KMT2A: variants seen among roughly 807,000 people sequenced by gnomAD.
KMT2A encodes the protein lysine methyltransferase 2A, also known as histone-lysine N-methyltransferase 2A.
Under a neutral mutation model 345.3 loss-of-function variants are expected in KMT2A, and 16 were observed. The observed-to-expected ratio is 0.05, with a 90% CI of 0.03 to 0.07. The LOEUF (loss-of-function observed/expected upper bound fraction) is 0.07, where lower values mean the gene tolerates loss of function less well. Among genes scored for constraint, KMT2A ranks in the 10% least tolerant of loss-of-function variants. The pLI, the probability that KMT2A is intolerant of heterozygous loss-of-function variation, is 1.00. For synonymous variants in KMT2A, 1,599 were observed against 1,778.6 expected, an observed-to-expected ratio of 0.90 and a Z score of 2.54; for missense variants, 3,272 against 4,841.6, an observed-to-expected ratio of 0.68 and a Z score of 9.62.
rs1320401530 is a variant in KMT2A at position 118,497,878 on chromosome 11, G to A, written c.5665-58G>A. The stretch of plus-strand genomic sequence containing the variant: ...TCTTCACTGGAAAAGCTAATGCCGA[G>A]GAAAACCTCCTTTGGCATTATATTC... On this transcript the variant is annotated intron_variant, in intron 20 of 35. Transcript: ENST00000534358. This position sits in a 1 kb window ranked among gnomAD's most constrained non-coding sequence, Gnocchi z 4.8. 1 of 1,413,636 alleles carries A rather than the reference G, an allele frequency of 7.1e-7. No homozygotes were observed. Among genetic ancestry groups the A allele is most frequent in the Non-Finnish European group, 9.9e-7 (1 of 1,008,648 alleles). 87.6% of individuals were successfully genotyped at this position (1,413,636 alleles called of 1,614,324 possible).
In KMT2A at chr11:118,526,756, A is replaced by G. The variant is rs1281268380; in HGVS notation, c.*4584A>G. ...TAGTTGTAAAAAAAAGGAGTTTTTA[A>G]ACATGTTTATTTTCTATGCACTTTT... On this transcript the variant is annotated 3_prime_UTR_variant, in exon 36 of 36. Coordinates refer to ENST00000534358, the MANE Select transcript of KMT2A (RefSeq NM_001197104.2). 4.4e-6 allele frequency: 1 copy of G among 228,304 alleles called. No homozygotes were observed. The highest frequency in any genetic ancestry group is 8.7e-6 in the Non-Finnish European group (1 of 115,194). 14.1% of individuals were successfully genotyped at this position (228,304 alleles called of 1,614,324 possible). A position where few individuals can be genotyped will look rare whatever the true frequency, so the allele number is the denominator to read the frequency against.
Position 118,452,513 on chromosome 11 carries a change from C to T in KMT2A, c.432+15569C>T, listed in dbSNP as rs928600550. On this transcript the variant is annotated intron_variant, in intron 1 of 35. Transcript: ENST00000534358. ...TACCACTGCACTCCAGCCTGGGCGACAGAATAAGACCCTGTCTCAAAAAAC... is the reference window on the plus strand; with the variant it reads ...TACCACTGCACTCCAGCCTGGGCGATAGAATAAGACCCTGTCTCAAAAAAC... 1.4e-4 allele frequency among the ~76,000 whole-genome samples: 21 copies of T among 152,220 alleles called. 1 individual carries two copies. The highest frequency in any genetic ancestry group is 7.8e-4 in the Admixed American group (12 of 15,288).
At chr11:118,443,086 C>T (rs1949346607) in intron 1 of KMT2A, among the ~76,000 whole-genome samples, 1 of 152,152 alleles carries the variant, frequency 6.6e-6, no homozygotes, top group Non-Finnish European at 1.5e-5. Context: ...TGGAGGCCTG[C>T]ACTCTTATAC....
Position 118,510,078 on chromosome 11 carries a change from C to T in KMT2A, c.11031C>T (p.Ser3677=), listed in dbSNP as rs782490706. The change falls in exon 30 of 36, where the codon TCC becomes TCT. Residue 3677 remains serine (S), a synonymous_variant. Coordinates refer to ENST00000534358, the MANE Select transcript of KMT2A (RefSeq NM_001197104.2). This position sits in a 1 kb window ranked among gnomAD's most constrained non-coding sequence, Gnocchi z 4.1. Reference sequence around the variant, plus strand: ...AGAAAGGACTTGTTTTTGAAATTTCCAGTGATGATGGCTTTCAGATCTGTG... The same window carrying T: ...AGAAAGGACTTGTTTTTGAAATTTCTAGTGATGATGGCTTTCAGATCTGTG... ...KPKKGLVFEI[S]SDDGFQICAE... 3 of 1,613,656 alleles carry T rather than the reference C, an allele frequency of 1.9e-6. No individual in the cohort carries two copies. The highest frequency in any genetic ancestry group is 1.7e-5 in the Admixed American group (1 of 59,976).
chr11:118,486,559 G>A (rs1950233274), intron 10 of KMT2A, among the ~76,000 whole-genome samples: 1 of 152,066 alleles, frequency 6.6e-6, no homozygotes, highest in Non-Finnish European at 1.5e-5. Context: ...TACCACATAA[G>A]ATATGTATTC....
At chr11:118,440,086 T>C (rs1555139738) in intron 1 of KMT2A, among the ~76,000 whole-genome samples, 1 of 152,236 alleles carries the variant, frequency 6.6e-6, no homozygotes, top group East Asian at 1.9e-4. Flanking sequence ...GAAATGGTTA[T>C]ATGATCCAAA....
intron 5 of KMT2A, 47 bp downstream of exon 5, chr11:118,478,248 G>C: frequency 1.4e-6 from 2 of 1,456,354 alleles, no homozygotes; most frequent in East Asian, 2.3e-5. Flanking sequence ...AACCATAAAG[G>C]TTGCTTATTT....
Position 118,472,816 on chromosome 11 carries a change from C to T in KMT2A, c.1657C>T (p.Pro553Ser), listed in dbSNP as rs1949967357. Residue 553 changes from proline to serine, a missense_variant, in exon 3 of 36, where the codon CCC becomes TCC. By Grantham distance (74) the Pro-to-Ser change is moderately conservative. Around this residue, in one of 27 missense-constraint regions of KMT2A, gnomAD observed 180 missense variants for 190.7 expected, o/e 0.94. Transcript: ENST00000534358. ...TKKLSTLQSA[P>S]QQQTSSSPPP... Reference sequence around the variant, plus strand: ...AAAATTATCAACTCTACAAAGTGCCCCCCAGCAGCAGACCTCCTCGTCTCC... The same window carrying T: ...AAAATTATCAACTCTACAAAGTGCCTCCCAGCAGCAGACCTCCTCGTCTCC... 5.0e-6 allele frequency: 8 copies of T among 1,613,574 alleles called. No individual in the cohort carries two copies. The highest frequency in any genetic ancestry group is 6.8e-6 in the Non-Finnish European group (8 of 1,179,948).
chr11:118,521,037 C>A lies in KMT2A; in HGVS notation c.11513+152C>A. 1 of 671,744 alleles carries A rather than the reference C, an allele frequency of 1.5e-6. No individual in the cohort carries two copies. Among genetic ancestry groups the A allele is most frequent in the Non-Finnish European group, 2.6e-6 (1 of 380,774 alleles). The allele number at this position is 671,744 out of a possible 1,614,324, so 41.6% of individuals were successfully genotyped here. On this transcript the variant is annotated intron_variant, in intron 34 of 35. Transcript: ENST00000534358. This position sits in a 1 kb window ranked among gnomAD's most constrained non-coding sequence, Gnocchi z 5.3. ...CCTCATATCCTGGGATCCTGCACCT[C>A]CTTGTGTTGAACAAGGACTTTAACA...
chr11:118,468,914 T>C (rs1220895132), intron 2 of KMT2A, 70 bp downstream of exon 2: 3 of 1,185,986 alleles, frequency 2.5e-6, no homozygotes, highest in African/African-American at 1.5e-5. Context: ...CCTCTTGCCT[T>C]CTTTACATGT....
chr11:118,467,292 G>A (rs1330170688), intron 1 of KMT2A, among the ~76,000 whole-genome samples: 2 of 151,646 alleles, frequency 1.3e-5, no homozygotes, highest in African/African-American at 4.9e-5. Flanking sequence ...CAAGAGAATC[G>A]CTTGAACCCA....
In KMT2A at chr11:118,472,508, G is replaced by A. The variant is rs1949960322; in HGVS notation, c.1349G>A (p.Arg450Lys). Residue 450 changes from arginine to lysine, a missense_variant, in exon 3 of 36, where the codon AGA becomes AAA. Arg to Lys is a conservative substitution (Grantham distance 26, BLOSUM62 2). Transcript: ENST00000534358. ...CGATTAGAGTCTACACCGAATAGTA[G>A]ATTCAGTGCCCCGTCCTGTGGATCT... ...IARLESTPNS[R>K]FSAPSCGSSE... 1 of 1,613,224 alleles carries A rather than the reference G, an allele frequency of 6.2e-7. No homozygotes were observed. The highest frequency in any genetic ancestry group is 1.3e-5 in the African/African-American group (1 of 74,624).
chr11:118,436,951 G>C lies in KMT2A; in HGVS notation c.432+7G>C. On this transcript the variant is annotated splice_region_variant and intron_variant, in intron 1 of 35. Coordinates refer to ENST00000534358, the MANE Select transcript of KMT2A (RefSeq NM_001197104.2). The surrounding 1 kb of genome is among the most constrained non-coding windows in gnomAD (Gnocchi z 6.9). ...GGGAGGCGGCAGCGGAGAGGTAAGG[G>C]GGCGAGGAACCCCCAGGTCCGGGGT... The C allele has an allele frequency of 6.7e-7, 1 of 1,485,240 alleles. No homozygotes were observed. The highest frequency in any genetic ancestry group is 1.3e-5 in the South Asian group (1 of 76,324). The allele number at this position is 1,485,240 out of a possible 1,614,324, so 92.0% of individuals were successfully genotyped here.
rs541803521 is a variant in KMT2A at position 118,475,520 on chromosome 11, G to A, written c.3156+1205G>A. ...AGGTGGATCACGAGGTCAGGAGATCGAGACCATCCTGGCTAACACGGTGAA... is the reference window on the plus strand; with the variant it reads ...AGGTGGATCACGAGGTCAGGAGATCAAGACCATCCTGGCTAACACGGTGAA... On this transcript the variant is annotated intron_variant, in intron 3 of 35. Coordinates refer to ENST00000534358, the MANE Select transcript of KMT2A (RefSeq NM_001197104.2). Among the ~76,000 whole-genome samples the A allele has an allele frequency of 9.1e-4, 139 of 152,180 alleles. 1 individual carries two copies. Among genetic ancestry groups the A allele is most frequent in the African/African-American group, 3.2e-3 (133 of 41,520 alleles).
chr11:118,492,576 G>A (rs912737677), intron 15 of KMT2A, among the ~76,000 whole-genome samples: 67 of 152,228 alleles, frequency 4.4e-4, no homozygotes, highest in African/African-American at 1.6e-3. Context: ...CTACTCGGCA[G>A]GCTGAGGCAG....
chr11:118,461,597 G>GCAA (rs1949744814), intron 1 of KMT2A, among the ~76,000 whole-genome samples: 1 of 152,148 alleles, frequency 6.6e-6, no homozygotes, highest in Non-Finnish European at 1.5e-5. Context: ...CATCAGAGTA[G>GCAA]GCCAAGTTGA....
rs1555046776 is a variant in KMT2A at position 118,503,618 on chromosome 11, C to A, written c.7726C>A (p.Pro2576Thr). The A allele has an allele frequency of 6.2e-7, 1 of 1,614,066 alleles. No individual in the cohort carries two copies. Among genetic ancestry groups the A allele is most frequent in the African/African-American group, 1.3e-5 (1 of 74,922 alleles). Residue 2576 changes from proline to threonine, a missense_variant, in exon 27 of 36, where the codon CCA becomes ACA. Transcript: ENST00000534358. This position sits in a 1 kb window ranked among gnomAD's most constrained non-coding sequence, Gnocchi z 5.3. ...ENPGDGPVAQ[P>T]SPNNTSCQDS... ...TCCAGGAGATGGTCCAGTGGCCCAA[C>A]CAAGCCCCAATAATACCTCATGCCA...
Position 118,491,269 on chromosome 11 carries a change from G to C in KMT2A, c.4770G>C (p.Lys1590Asn). The change falls in exon 14 of 36, where the codon AAG becomes AAC. Residue 1590 changes from lysine to asparagine, a missense_variant. Lys to Asn is a moderately conservative substitution (Grantham distance 94). Coordinates refer to ENST00000534358, the MANE Select transcript of KMT2A (RefSeq NM_001197104.2). This position sits in a 1 kb window ranked among gnomAD's most constrained non-coding sequence, Gnocchi z 4.2. ...AGAGTAAGATGATGCAATGTGGAAA[G>C]TGTGATCGCTGGGTCCATTCCAAAT... ...DYESKMMQCG[K>N]CDRWVHSKCE... 2 of 1,614,008 alleles carry C rather than the reference G, an allele frequency of 1.2e-6. No homozygotes were observed. Among genetic ancestry groups the C allele is most frequent in the Non-Finnish European group, 1.7e-6 (2 of 1,179,892 alleles).
In KMT2A at chr11:118,436,633, C is replaced by G. The variant is rs1224934712; in HGVS notation, c.121C>G (p.Pro41Ala). 5 of 1,132,178 alleles carry G rather than the reference C, an allele frequency of 4.4e-6. No individual in the cohort carries two copies. In the African/African-American group the frequency reaches 6.6e-5, roughly 15 times the overall value. The allele number at this position is 1,132,178 out of a possible 1,614,324, so 70.1% of individuals were successfully genotyped here. A position where few individuals can be genotyped will look rare whatever the true frequency, so the allele number is the denominator to read the frequency against. Residue 41 changes from proline to alanine, a missense_variant, in exon 1 of 36, where the codon CCC becomes GCC. Physicochemically the swap from Pro to Ala is conservative, Grantham distance 27. Around this residue, in one of 27 missense-constraint regions of KMT2A, gnomAD observed 412 missense variants for 511.0 expected, o/e 0.81. Transcript: ENST00000534358. This position sits in a 1 kb window ranked among gnomAD's most constrained non-coding sequence, Gnocchi z 6.9. ...PRQRVPALLL[P>A]PGPPVGGGGP... The stretch of plus-strand genomic sequence containing the variant: ...GCAACGCGTCCCGGCCCTGCTGCTT[C>G]CCCCCGGGCCCCCGGTCGGCGGTGG...
Sources: gnomAD v4.1 joint callset for allele counts (sites outside exome capture counted in the v4.1 genomes callset) on GRCh38, gnomAD v4.1.1 for gene constraint, gnomAD v4.1.1 regional missense constraint, Gnocchi (gnomAD v3.1) non-coding constraint, MANE v1.5 for transcripts, NCBI Gene and HGNC (gene_info 2026-07-23, HGNC 2026-07-21) for gene names.